Variants in SLC25A47 observed in about 807,000 individuals in gnomAD.
SLC25A47 encodes solute carrier family 25 member 47, also known as HCC-down-regulated mitochondrial carrier protein.
A neutral mutation model predicts 29.8 loss-of-function variants in SLC25A47; 30 were observed. That is an observed-to-expected ratio of 1.01 (90% CI 0.75 to 1.36). SLC25A47 has a LOEUF of 1.36. Among genes scored for constraint, SLC25A47 ranks in the 40% most tolerant of loss-of-function variants. The pLI is 0.00. For synonymous variants in SLC25A47, 204 were observed against 197.8 expected, an observed-to-expected ratio of 1.03 and a Z score of -0.26; for missense variants, 430 against 441.9, an observed-to-expected ratio of 0.97 and a Z score of 0.24.
intron 1 of SLC25A47, 118 bp downstream of exon 1, chr14:100,323,560 A>G: frequency 8.4e-7 from 1 of 1,192,376 alleles, no homozygotes; most frequent in South Asian, 1.3e-5. Context: ...CTCACCCCCC[A>G]GGATCTGCCA....
rs4905950 is a variant in SLC25A47 at position 100,329,293 on chromosome 14, C to T, written c.647-72C>T. The T allele has an allele frequency of 0.25, 380,855 of 1,503,742 alleles. 54,930 individuals are homozygous for T. The highest frequency in any genetic ancestry group is 0.58 in the East Asian group (25,380 of 44,084). The allele number at this position is 1,503,742 out of a possible 1,614,324, so 93.1% of individuals were successfully genotyped here. A position where few individuals can be genotyped will look rare whatever the true frequency, so the allele number is the denominator to read the frequency against. On this transcript the variant is annotated intron_variant, in intron 5 of 5. Coordinates refer to ENST00000361529, the MANE Select transcript of SLC25A47 (RefSeq NM_207117.4). ...GTTGCAAATGAGGACGGGCCGGAAG[C>T]GTGAGTCCAGGGTGCGCTGCCCTGG...
chr14:100,329,378 G>T lies in SLC25A47; in HGVS notation c.660G>T (p.Val220=). Residue 220 remains valine, a synonymous_variant, in exon 6 of 6, where the codon GTG becomes GTT. Transcript: ENST00000361529. ...AGHSRPDVPG[V]LVAGGCAGVL... is the part of the protein sequence containing the mutation. ...GTCTCTCTGCAGATGTCCCGGGCGT[G>T]CTGGTGGCCGGGGGCTGTGCAGGAG... The T allele has an allele frequency of 1.9e-6, 3 of 1,604,460 alleles. No individual in the cohort carries two copies. The highest frequency in any genetic ancestry group is 2.2e-5 in the South Asian group (2 of 90,520).
intron 3 of SLC25A47, 54 bp from the exon 4 acceptor site, chr14:100,327,134 G>A (rs1257601367): frequency 2.0e-6 from 3 of 1,523,150 alleles, no homozygotes; most frequent in Admixed American, 2.0e-5. Context: ...GGGCTCCCTC[G>A]GGTGGCTCCT....
At chr14:100,324,170 C>T (rs1014163328) in intron 1 of SLC25A47, among the ~76,000 whole-genome samples, 1 of 151,946 alleles carries the variant, frequency 6.6e-6, no homozygotes, top group Non-Finnish European at 1.5e-5. Context: ...GTTGGGAGAG[C>T]GGCCCAGCTC....
rs919109908 is a variant in SLC25A47, at chr14:100,329,989, G to A, written c.*344G>A. The stretch of plus-strand genomic sequence containing the variant: ...CCATGTCTTTGAAGCACCCCTCCAG[G>A]GAGTCAGGTGTGTGCTCAGCCACCC... On this transcript the variant is annotated 3_prime_UTR_variant, in exon 6 of 6. Transcript: ENST00000361529. The A allele has an allele frequency of 5.3e-5, 18 of 336,648 alleles. No individual in the cohort carries two copies. Among genetic ancestry groups the A allele is most frequent in the African/African-American group, 3.8e-4 (18 of 47,790 alleles). 20.9% of individuals were successfully genotyped at this position (336,648 alleles called of 1,614,324 possible). A position where few individuals can be genotyped will look rare whatever the true frequency, so the allele number is the denominator to read the frequency against.
At chr14:100,327,132 T>G in intron 3 of SLC25A47, 56 bp from the exon 4 acceptor site, 1 of 1,522,780 alleles carries the variant, frequency 6.6e-7, no homozygotes, top group Non-Finnish European at 8.8e-7. Flanking sequence ...GTGGGCTCCC[T>G]CGGGTGGCTC....
chr14:100,326,174 GC>G lies in SLC25A47; in HGVS notation c.92del (p.Pro31GlnfsTer82). On this transcript the variant is annotated frameshift_variant, in exon 3 of 6. Transcript: ENST00000361529. LOFTEE classifies it high-confidence loss of function. ...TCCTGCAGGTCAGGATCCAGACGGA[GC>G]CAAAGTACACAGGCATCTGGCACTG... ...DTVKVRIQTEPKYTGIWHCVR... is the reference protein window; with the variant it reads ...DTVKVRIQTEXKYTGIWHCVR... The G allele has an allele frequency of 6.2e-7, 1 of 1,613,780 alleles. No homozygotes were observed. The highest frequency in any genetic ancestry group is 8.5e-7 in the Non-Finnish European group (1 of 1,179,940).
Position 100,326,307 on chromosome 14 carries a change from C to T in SLC25A47, c.144+79C>T. The T allele has an allele frequency of 2.3e-6, 3 of 1,331,460 alleles. No homozygotes were observed. In the East Asian group the frequency reaches 7.0e-5, roughly 31 times the overall value. 82.5% of individuals were successfully genotyped at this position (1,331,460 alleles called of 1,614,324 possible). A position where few individuals can be genotyped will look rare whatever the true frequency, so the allele number is the denominator to read the frequency against. The stretch of plus-strand genomic sequence containing the variant: ...GCCTCCGCTGCCCAGCAGGTGATGC[C>T]AGGCTCCCCGCTGGGTCTCAGCTCT... On this transcript the variant is annotated intron_variant, in intron 3 of 5. Transcript: ENST00000361529.
chr14:100,329,642 A>G lies in SLC25A47; in HGVS notation c.924A>G (p.Thr308=), dbSNP rs1463632470. 1.2e-6 allele frequency: 2 copies of G among 1,606,142 alleles called. No homozygotes were observed. Among genetic ancestry groups the G allele is most frequent in the South Asian group, 2.2e-5 (2 of 90,648 alleles). Residue 308 remains threonine (T), a synonymous_variant, in exon 6 of 6, where the codon ACA becomes ACG. Coordinates refer to ENST00000361529, the MANE Select transcript of SLC25A47 (RefSeq NM_207117.4). The part of the protein sequence containing the change: ...AVLRLARGLL[T] ...TGAGGCTCGCCCGGGGTCTGCTCAC[A>G]TAGCCGGTCCCCACGCCCAGCGGCC...
chr14:100,327,299 TACGGCA>T lies in SLC25A47; in HGVS notation c.259_264del (p.Gly87_Asn88del). On this transcript the variant is annotated inframe_deletion, in exon 4 of 6. Coordinates refer to ENST00000361529, the MANE Select transcript of SLC25A47 (RefSeq NM_207117.4). ...CCTGGCGCACATCTGCCGGCTCCGG[TACGGCA>T]ACCCTGACGCCAAGCCCACCAAGGC... 1 of 1,604,868 alleles carries T rather than the reference TACGGCA, an allele frequency of 6.2e-7. No individual in the cohort carries two copies. The highest frequency in any genetic ancestry group is 8.5e-7 in the Non-Finnish European group (1 of 1,179,922).
chr14:100,325,846 A>G lies in SLC25A47; in HGVS notation c.72+15A>G, dbSNP rs760708241. 2.5e-6 allele frequency: 4 copies of G among 1,610,290 alleles called. No individual in the cohort carries two copies. In the Admixed American group the frequency reaches 5.0e-5, roughly 20 times the overall value. On this transcript the variant is annotated intron_variant, in intron 2 of 5. Coordinates refer to ENST00000361529, the MANE Select transcript of SLC25A47 (RefSeq NM_207117.4). ...ACACGGTGAAGGTGCGGCAATAGCC[A>G]GCCCCCCAACCATCCTAAGGCCCCT...
At chr14:100,328,403 G>A (rs1893379011) in intron 4 of SLC25A47, among the ~76,000 whole-genome samples, 1 of 152,182 alleles carries the variant, frequency 6.6e-6, no homozygotes, top group Non-Finnish European at 1.5e-5. Context: ...GAGCCGCTGC[G>A]CCTGGCCATG....
intron 2 of SLC25A47, 85 bp from the exon 3 acceptor site, chr14:100,326,072 A>G: frequency 8.2e-7 from 1 of 1,218,194 alleles, no homozygotes; most frequent in Non-Finnish European, 1.2e-6. Context: ...GACAATCAAG[A>G]GTGTGACTCT....
chr14:100,327,448 G>T, intron 4 of SLC25A47, 78 bp downstream of exon 4: 1 of 1,457,566 alleles, frequency 6.9e-7, no homozygotes, highest in Admixed American at 2.2e-5. Context: ...TGGCAGGTGG[G>T]GAAACTGAGG....
rs3742381 is a variant in SLC25A47, at chr14:100,329,692, C to T, written c.*47C>T. ...CCACCCACCAGCAGCTGCTGGAGGT[C>T]GTAGTGGCTGGAGGAGGCAAGGGGT... On this transcript the variant is annotated 3_prime_UTR_variant, in exon 6 of 6. Coordinates refer to ENST00000361529, the MANE Select transcript of SLC25A47 (RefSeq NM_207117.4). 43,112 of 1,571,722 alleles carry T rather than the reference C, an allele frequency of 0.027. 879 individuals are homozygous for T. The highest frequency in any genetic ancestry group is 0.1 in the East Asian group (4,550 of 44,538).
At chr14:100,324,408 A>G (rs907507497) in intron 1 of SLC25A47, among the ~76,000 whole-genome samples, 1 of 152,234 alleles carries the variant, frequency 6.6e-6, no homozygotes, top group Admixed American at 6.5e-5. Flanking sequence ...GGTTTTTAGT[A>G]GAGGCAGGGT....
intron 2 of SLC25A47, 47 bp from the exon 3 acceptor site, chr14:100,326,110 G>A (rs768122074): frequency 6.5e-7 from 1 of 1,527,458 alleles, no homozygotes; most frequent in South Asian, 1.2e-5. Flanking sequence ...TGCTGGCCTT[G>A]CCCTAGGCCT....
chr14:100,323,890 C>T (rs866769949), intron 1 of SLC25A47, among the ~76,000 whole-genome samples: 8 of 152,116 alleles, frequency 5.3e-5, no homozygotes, highest in African/African-American at 1.4e-4. Flanking sequence ...AGGGGCCTGG[C>T]GAGGTGGCTC....
chr14:100,325,657 A>G, intron 1 of SLC25A47, 131 bp from the exon 2 acceptor site: 1 of 866,874 alleles, frequency 1.2e-6, no homozygotes, highest in East Asian at 2.7e-5. Flanking sequence ...GGTGCAGACC[A>G]GAAGGGCCAA....
Sources: allele counts gnomAD v4.1 joint callset (sites outside exome capture counted in the v4.1 genomes callset), GRCh38; gene constraint gnomAD v4.1.1; transcripts MANE v1.5; gene names NCBI Gene and HGNC (gene_info 2026-07-23, HGNC 2026-07-21).